Variants in ESRRG observed in about 807,000 individuals in gnomAD.
ESRRG encodes estrogen-related receptor gamma.
Under a neutral mutation model 44.0 loss-of-function variants are expected in ESRRG, and 13 were observed. That is an observed-to-expected ratio of 0.30 (90% CI 0.19 to 0.47). The LOEUF is 0.47. ESRRG is among the 20% of genes least tolerant of loss of function. ESRRG has a pLI of 1.00. For missense variants in ESRRG, 395 were observed against 580.6 expected (o/e 0.68, Z 3.29); for synonymous variants, 215 against 214.6 (o/e 1.00, Z -0.02).
intron 1 of ESRRG, among the ~76,000 whole-genome samples, chr1:216,964,881 T>TCATC (rs1560285825): frequency 1.3e-5 from 2 of 152,016 alleles, no homozygotes; most frequent in Non-Finnish European, 2.9e-5. Flanking sequence ...TGAATCTTCA[T>TCATC]AGCCTCATTA....
chr1:216,896,144 T>C (rs2058388482), intron 2 of ESRRG, among the ~76,000 whole-genome samples: 1 of 152,142 alleles, frequency 6.6e-6, no homozygotes, highest in South Asian at 2.1e-4. Flanking sequence ...TTTACTCATA[T>C]CTGGAAAAAA....
intron 1 of ESRRG, 22 bp downstream of exon 1, chr1:216,723,222 A>C: frequency 1.9e-6 from 3 of 1,609,894 alleles, no homozygotes; most frequent in Non-Finnish European, 2.6e-6. Context: ...GAGTTTAAAA[A>C]GGAAAGAAAA....
At chr1:217,098,315 A>T (rs1558258801) in intron 1 of ESRRG, among the ~76,000 whole-genome samples, 1 of 150,752 alleles carries the variant, frequency 6.6e-6, no homozygotes, top group African/African-American at 2.5e-5. Context: ...TAAAACACTC[A>T]TATTTATGGT....
intron 1 of ESRRG, among the ~76,000 whole-genome samples, chr1:217,123,048 G>T (rs1011140302): frequency 5.9e-5 from 9 of 151,986 alleles, no homozygotes; most frequent in Non-Finnish European, 1.0e-4. Context: ...TTTCGTTGTT[G>T]AGAGCAACTA....
chr1:216,739,074 A>T (rs2090343409), intron 2 of ESRRG, among the ~76,000 whole-genome samples: 1 of 152,198 alleles, frequency 6.6e-6, no homozygotes, highest in African/African-American at 2.4e-5. Context: ...GGCTCCCAGT[A>T]GAATAGAGAC....
rs1287968465 is a variant in ESRRG at position 216,569,158 on chromosome 1, GAGGGAAGGGA to G, written c.590-1070_590-1061del. Among the ~76,000 whole-genome samples the G allele has an allele frequency of 2.0e-3, 96 of 48,966 alleles. 1 individual carries two copies. The highest frequency in any genetic ancestry group is 3.2e-3 in the South Asian group (4 of 1,260). The allele number at this position is 48,966 out of a possible 152,430, so 32.1% of individuals were successfully genotyped here. A position where few individuals can be genotyped will look rare whatever the true frequency, so the allele number is the denominator to read the frequency against. ...AAAGAAGGAAAGAAGAGTGGAAGAG[GAGGGAAGGGA>G]AGGGAAGGGAAGGGAAGGGAAGGGA... is the stretch of plus-strand genomic sequence containing the variant. On this transcript the variant is annotated intron_variant, in intron 3 of 6. Coordinates refer to ENST00000408911, the MANE Select transcript of ESRRG (RefSeq NM_001438.4).
At chr1:216,984,052 G>T (rs1295856135) in intron 1 of ESRRG, among the ~76,000 whole-genome samples, 1 of 149,486 alleles carries the variant, frequency 6.7e-6, no homozygotes, top group Non-Finnish European at 1.5e-5. Context: ...TAAGAATGGG[G>T]GGGGGTATGT....
chr1:217,019,292 T>C (rs2079921497), intron 1 of ESRRG, among the ~76,000 whole-genome samples: 1 of 152,226 alleles, frequency 6.6e-6, no homozygotes, highest in African/African-American at 2.4e-5. Flanking sequence ...AAGAGTTTGC[T>C]TTCAAGTTGC....
intron 2 of ESRRG, among the ~76,000 whole-genome samples, chr1:216,657,531 T>C (rs1178170207): frequency 6.6e-6 from 1 of 152,190 alleles, no homozygotes; most frequent in Non-Finnish European, 1.5e-5. Context: ...TGTCCATTAC[T>C]AAATTTTAAG....
intron 1 of ESRRG, among the ~76,000 whole-genome samples, chr1:216,983,680 ATGTGCATGTG>A (rs1034038117): frequency 5.1e-5 from 4 of 78,676 alleles, no homozygotes; most frequent in African/African-American, 2.5e-4. Flanking sequence ...TTTCGCGTGC[ATGTGCATGTG>A]TGTGTGTGTG....
intron 2 of ESRRG, among the ~76,000 whole-genome samples, chr1:216,776,863 G>A (rs1034268790): frequency 2.0e-5 from 3 of 152,140 alleles, no homozygotes; most frequent in Non-Finnish European, 4.4e-5. Flanking sequence ...GTGGCCAGAT[G>A]GGGACAGGGA....
intron 3 of ESRRG, among the ~76,000 whole-genome samples, chr1:216,627,698 C>T (rs564901332): frequency 1.3e-5 from 2 of 152,244 alleles, no homozygotes; most frequent in African/African-American, 4.8e-5. Flanking sequence ...ACGGCTACTC[C>T]ATCAAGAAAT....
At chr1:216,683,486 C>T (rs1231678644) in intron 1 of ESRRG, among the ~76,000 whole-genome samples, 2 of 152,106 alleles carry the variant, frequency 1.3e-5, no homozygotes, top group Admixed American at 6.5e-5. Flanking sequence ...CTAGCTTACT[C>T]CATGAAGAAC....
intron 1 of ESRRG, among the ~76,000 whole-genome samples, chr1:217,045,544 C>CG (rs1412554147): frequency 6.6e-6 from 1 of 152,218 alleles, no homozygotes; most frequent in Non-Finnish European, 1.5e-5. Context: ...AAGTCTCGAG[C>CG]TTTCCCTGAT....
rs11301281 is a variant in ESRRG, at chr1:216,880,304, C to CAAAAAAAA, written c.-14+59270_-14+59277dup. Among the ~76,000 whole-genome samples the CAAAAAAAA allele has an allele frequency of 3.0e-3, 87 of 29,040 alleles. 8 individuals are homozygous for CAAAAAAAA. The highest frequency in any genetic ancestry group is 7.5e-3 in the African/African-American group (54 of 7,164). 19.1% of individuals were successfully genotyped at this position (29,040 alleles called of 152,430 possible). On this transcript the variant is annotated intron_variant, in intron 2 of 7. Coordinates refer to the ESRRG transcript ENST00000359162. The stretch of plus-strand genomic sequence containing the variant: ...CCTGAGCGACAACAAGCCTCCCTCT[C>CAAAAAAAA]AAAAAAAAAAAAAAAAAAAAAAAAA...
chr1:216,843,365 TAGGC>T (rs1427424703), intron 2 of ESRRG, among the ~76,000 whole-genome samples: 1 of 152,144 alleles, frequency 6.6e-6, no homozygotes, highest in African/African-American at 2.4e-5. Context: ...GCAGAAGTGT[TAGGC>T]AGGTCGGAAA....
At chr1:216,546,508 T>C (rs1253755765) in intron 5 of ESRRG, among the ~76,000 whole-genome samples, 1 of 152,074 alleles carries the variant, frequency 6.6e-6, no homozygotes, top group African/African-American at 2.4e-5. Context: ...TAATGCTCTG[T>C]TGTCACCACC....
At chr1:216,784,112 A>C (rs1210674940) in intron 2 of ESRRG, among the ~76,000 whole-genome samples, 2 of 152,070 alleles carry the variant, frequency 1.3e-5, no homozygotes, top group Non-Finnish European at 2.9e-5. Context: ...GCCATTCATT[A>C]TACCAGCTAA....
chr1:217,082,089 G>A (rs1050013952), intron 1 of ESRRG, among the ~76,000 whole-genome samples: 2 of 152,228 alleles, frequency 1.3e-5, no homozygotes, highest in African/African-American at 4.8e-5. Flanking sequence ...CAGCTGCCCA[G>A]CTGCCCTGCA....
Sources: allele counts gnomAD v4.1 joint callset (sites outside exome capture counted in the v4.1 genomes callset), GRCh38; gene constraint gnomAD v4.1.1; transcripts MANE v1.5; gene names NCBI Gene and HGNC (gene_info 2026-07-23, HGNC 2026-07-21).